Variants in DIAPH3 observed in about 807,000 individuals in gnomAD.
DIAPH3 encodes the protein diaphanous related formin 3.
In DIAPH3, 117 loss-of-function variants were observed where a neutral mutation model predicts 144.3. That is an observed-to-expected ratio of 0.81 (90% CI 0.70 to 0.95). The LOEUF (loss-of-function observed/expected upper bound fraction) is 0.95. Ranked by LOEUF, DIAPH3 falls within the 40% of genes least tolerant of loss-of-function variation. DIAPH3 has a pLI of 0.00. For synonymous variants in DIAPH3, 519 were observed against 488.9 expected (o/e 1.06, Z -0.81); for missense variants, 1,421 against 1,412.7 (o/e 1.01, Z -0.09).
In DIAPH3 at chr13:59,999,878, G is replaced by C. The variant is rs1000071664; in HGVS notation, c.1015-7295C>G. ...CACATCAAACCTCTTGCTTCTCATAGAACCAAGACTAACAGCCTCATTTCA... is the reference window on the plus strand; with the variant it reads ...CACATCAAACCTCTTGCTTCTCATACAACCAAGACTAACAGCCTCATTTCA... On this transcript the variant is annotated intron_variant, in intron 9 of 27. Coordinates refer to ENST00000400324, the MANE Select transcript of DIAPH3 (RefSeq NM_001042517.2). Among the ~76,000 whole-genome samples the C allele has an allele frequency of 1.3e-4, 20 of 152,216 alleles. 1 individual carries two copies. The highest frequency in any genetic ancestry group is 2.8e-4 in the Non-Finnish European group (19 of 68,006).
At chr13:60,017,089 G>T (rs2053701558) in intron 5 of DIAPH3, among the ~76,000 whole-genome samples, 1 of 152,162 alleles carries the variant, frequency 6.6e-6, no homozygotes, top group South Asian at 2.1e-4. Context: ...TATGTGTACT[G>T]TTTGAACAGT....
intron 17 of DIAPH3, among the ~76,000 whole-genome samples, chr13:59,959,473 G>A (rs995523279): frequency 6.6e-6 from 1 of 152,196 alleles, no homozygotes; most frequent in Non-Finnish European, 1.5e-5. Flanking sequence ...GGGAAGAGCA[G>A]AATGGATTAC....
intron 25 of DIAPH3, among the ~76,000 whole-genome samples, chr13:59,783,592 A>T (rs961768174): frequency 6.6e-6 from 1 of 152,232 alleles, no homozygotes; most frequent in African/African-American, 2.4e-5. Flanking sequence ...GGTAGAGAAC[A>T]CAAGTTCTGA....
At chr13:59,966,676 G>A (rs1408412280) in intron 17 of DIAPH3, among the ~76,000 whole-genome samples, 2 of 152,078 alleles carry the variant, frequency 1.3e-5, no homozygotes, top group Non-Finnish European at 2.9e-5. Flanking sequence ...AAACTTCAAG[G>A]ATCTCTTTAA....
At chr13:59,666,929 T>C (rs936801572) in intron 27 of DIAPH3, 83 bp from the exon 28 acceptor site, 2 of 1,478,840 alleles carry the variant, frequency 1.4e-6, no homozygotes, top group East Asian at 2.4e-5. Context: ...TTTAAAATAA[T>C]TATTCTCAAT....
intron 24 of DIAPH3, among the ~76,000 whole-genome samples, chr13:59,815,709 G>A (rs2040732993): frequency 2.0e-5 from 3 of 152,010 alleles, no homozygotes; most frequent in South Asian, 4.2e-4. Context: ...TCTCACCGTA[G>A]CCTCCCAATG....
intron 4 of DIAPH3, among the ~76,000 whole-genome samples, chr13:60,091,453 A>C (rs1417789016): frequency 6.6e-6 from 1 of 152,054 alleles, no homozygotes; most frequent in Non-Finnish European, 1.5e-5. Context: ...ATATGCCACC[A>C]CACCCAGCTA....
chr13:60,122,784 T>A (rs962984778), intron 2 of DIAPH3, among the ~76,000 whole-genome samples: 3 of 152,050 alleles, frequency 2.0e-5, no homozygotes, highest in Non-Finnish European at 4.4e-5. Context: ...TTATGTTATT[T>A]AATATCATGA....
At chr13:60,126,471 A>G (rs1478360737) in intron 2 of DIAPH3, among the ~76,000 whole-genome samples, 2 of 152,232 alleles carry the variant, frequency 1.3e-5, no homozygotes, top group African/African-American at 4.8e-5. Context: ...AAATACGTGA[A>G]GCAAAAACCA....
At chr13:60,086,505 T>C (rs1378862459) in intron 4 of DIAPH3, among the ~76,000 whole-genome samples, 2 of 152,160 alleles carry the variant, frequency 1.3e-5, no homozygotes, top group East Asian at 3.9e-4. Flanking sequence ...AAGGGCATTG[T>C]GTTTATTAGA....
At chr13:59,708,158 G>A (rs368277140) in intron 27 of DIAPH3, among the ~76,000 whole-genome samples, 5 of 151,842 alleles carry the variant, frequency 3.3e-5, no homozygotes, top group South Asian at 4.2e-4. Flanking sequence ...GAACTCAGGG[G>A]CTCAAGCGAT....
intron 3 of DIAPH3, among the ~76,000 whole-genome samples, chr13:60,105,162 T>G (rs551307544): frequency 6.6e-6 from 1 of 151,434 alleles, no homozygotes; most frequent in South Asian, 2.1e-4. Context: ...TTCATATATT[T>G]GTTTTTCAAC....
chr13:59,930,007 C>T (rs1376922535), intron 17 of DIAPH3, among the ~76,000 whole-genome samples: 1 of 152,156 alleles, frequency 6.6e-6, no homozygotes, highest in Non-Finnish European at 1.5e-5. Flanking sequence ...TCTGAACTTC[C>T]TTATCATAAA....
chr13:60,047,442 G>T (rs906294978), intron 4 of DIAPH3, among the ~76,000 whole-genome samples: 1 of 152,156 alleles, frequency 6.6e-6, no homozygotes, highest in East Asian at 1.9e-4. Context: ...CTGATTTCAA[G>T]ATTAACTATA....
At chr13:59,780,716 T>C (rs990088219) in intron 25 of DIAPH3, among the ~76,000 whole-genome samples, 1 of 152,208 alleles carries the variant, frequency 6.6e-6, no homozygotes, top group Non-Finnish European at 1.5e-5. Flanking sequence ...GCTAAGGACA[T>C]GTCTGAGATC....
intron 27 of DIAPH3, 96 bp from the exon 28 acceptor site, chr13:59,666,942 A>G (rs185124335): frequency 3.6e-6 from 5 of 1,400,182 alleles, no homozygotes; most frequent in African/African-American, 1.4e-5. Flanking sequence ...TTCTCAATAA[A>G]TAAGTAGTCT....
chr13:60,078,464 T>G (rs1335147249), intron 4 of DIAPH3, among the ~76,000 whole-genome samples: 1 of 152,118 alleles, frequency 6.6e-6, no homozygotes. Flanking sequence ...ACTGCATGTT[T>G]GCACATGATC....
intron 21 of DIAPH3, among the ~76,000 whole-genome samples, chr13:59,869,037 T>A (rs2044099159): frequency 6.6e-6 from 1 of 152,104 alleles, no homozygotes. Context: ...TGTATGCAGG[T>A]TTTTGTGTGG....
intron 2 of DIAPH3, among the ~76,000 whole-genome samples, chr13:60,124,133 G>T (rs1434808431): frequency 6.6e-6 from 1 of 152,202 alleles, no homozygotes; most frequent in Non-Finnish European, 1.5e-5. Context: ...TACTAGAGTT[G>T]TCTGGTAACA....
Sources: allele counts gnomAD v4.1 joint callset (sites outside exome capture counted in the v4.1 genomes callset), GRCh38; gene constraint gnomAD v4.1.1; transcripts MANE v1.5; gene names NCBI Gene and HGNC (gene_info 2026-07-23, HGNC 2026-07-21).